SDAD1: variants seen among roughly 807,000 people sequenced by gnomAD.
SDAD1 encodes the protein SDA1 domain containing 1.
SDAD1 carries 79 observed loss-of-function variants against 100.3 expected under a neutral mutation model. The ratio of observed to expected loss-of-function variants is 0.79; its 90% confidence interval spans 0.66 to 0.95. SDAD1 has a LOEUF of 0.95. SDAD1 is among the 40% of genes least tolerant of loss of function. SDAD1 has a pLI of 0.00. For synonymous variants in SDAD1, 267 were observed against 271.4 expected, an observed-to-expected ratio of 0.98 and a Z score of 0.16; for missense variants, 790 against 810.9, an observed-to-expected ratio of 0.97 and a Z score of 0.31.
At chr4:75,971,895 C>T (rs1251026811) in intron 8 of SDAD1, among the ~76,000 whole-genome samples, 1 of 150,728 alleles carries the variant, frequency 6.6e-6, no homozygotes, top group African/African-American at 2.4e-5. Context: ...AATATGCCCA[C>T]ATGTGCACAA....
intron 21 of SDAD1, among the ~76,000 whole-genome samples, chr4:75,955,199 A>T (rs1453208324): frequency 6.6e-6 from 1 of 152,188 alleles, no homozygotes; most frequent in Non-Finnish European, 1.5e-5. Flanking sequence ...TATGTTAAAG[A>T]ATTACTTCAT....
rs550236776 is a variant in SDAD1 at position 75,955,012 on chromosome 4, T to A, written c.2016+963A>T. On this transcript the variant is annotated intron_variant, in intron 21 of 21. Coordinates refer to ENST00000356260, the MANE Select transcript of SDAD1 (RefSeq NM_018115.4). ...CCAGTTGTCTAGCTTCACGTCCTGT[T>A]TCTATTGATTGTTTACAACCAGTTT... Among the ~76,000 whole-genome samples the A allele has an allele frequency of 6.6e-5, 10 of 152,314 alleles. No individual in the cohort carries two copies. In the South Asian group the frequency reaches 2.1e-3, roughly 32 times the overall value.
intron 6 of SDAD1, 144 bp downstream of exon 6, chr4:75,975,600 C>A: frequency 1.8e-6 from 1 of 560,244 alleles, no homozygotes; most frequent in Non-Finnish European, 3.1e-6. Context: ...ATTTGAATTG[C>A]CTCTATTTTT....
rs576913302 is a variant in SDAD1 at position 75,974,970 on chromosome 4, A to G, written c.578+774T>C. Among the ~76,000 whole-genome samples, 6 of 152,096 alleles carry G rather than the reference A, an allele frequency of 3.9e-5. No individual in the cohort carries two copies. In the South Asian group the frequency reaches 1.0e-3, roughly 26 times the overall value. On this transcript the variant is annotated intron_variant, in intron 6 of 21. Transcript: ENST00000356260. ...GGCAGGGGAATCGCTGGAACCCAGG[A>G]GACAGAGGTTGCAGTGAGCCAAGAT...
rs1251063607 is a variant in SDAD1 at position 75,957,688 on chromosome 4, C to A, written c.1599G>T (p.Met533Ile). 1 of 1,614,208 alleles carries A rather than the reference C, an allele frequency of 6.2e-7. No individual in the cohort carries two copies. The highest frequency in any genetic ancestry group is 8.5e-7 in the Non-Finnish European group (1 of 1,180,040). The change falls in exon 19 of 22, where the codon ATG (methionine) becomes ATT (isoleucine). Residue 533 changes from methionine to isoleucine, a missense_variant. Met to Ile is a conservative substitution (Grantham distance 10). Coordinates refer to ENST00000356260, the MANE Select transcript of SDAD1 (RefSeq NM_018115.4). The part of the protein sequence containing the change: ...QQEISKKLNS[M>I]PMEERKAKAA... Reference sequence around the variant, plus strand: ...CTTTGGCCTTCCGCTCCTCCATGGGCATGCTGTTCAGCTTCTTGGACTTGA... The same window carrying A: ...CTTTGGCCTTCCGCTCCTCCATGGGAATGCTGTTCAGCTTCTTGGACTTGA...
intron 21 of SDAD1, among the ~76,000 whole-genome samples, chr4:75,951,153 T>C (rs3796482): frequency 0.23 from 35,483 of 151,982 alleles, 4,828 homozygotes; most frequent in East Asian, 0.5. Flanking sequence ...ATGGAATACA[T>C]TGTCTAAATT....
intron 16 of SDAD1, 53 bp from the exon 17 acceptor site, chr4:75,960,245 T>C (rs1729153927): frequency 4.3e-6 from 6 of 1,406,026 alleles, no homozygotes; most frequent in Non-Finnish European, 5.8e-6. Context: ...AAAACCTTAA[T>C]CATGAAAGGT....
chr4:75,964,103 G>GT (rs772910510), intron 14 of SDAD1, 32 bp downstream of exon 14: 7 of 1,399,298 alleles, frequency 5.0e-6, no homozygotes, highest in Non-Finnish European at 4.1e-6. Flanking sequence ...ATTAAACAAT[G>GT]TATCTTCTGC....
intron 21 of SDAD1, 43 bp from the exon 22 acceptor site, chr4:75,950,840 C>T: frequency 7.3e-7 from 1 of 1,363,318 alleles, no homozygotes; most frequent in Non-Finnish European, 1.0e-6. Context: ...CTCTTGGGTA[C>T]CCTATTATAC....
At chr4:75,970,252 G>A in intron 10 of SDAD1, 57 bp downstream of exon 10, 1 of 1,411,842 alleles carries the variant, frequency 7.1e-7, no homozygotes. Context: ...CCAAAGGCAG[G>A]AAATAAAATA....
At position 75,957,532 on chromosome 4, in the gene SDAD1, ACTGT is replaced by A; in HGVS notation, c.1751_1754del (p.Asp584ValfsTer30). Reference sequence around the variant, plus strand: ...TGCCATTTTACCTGGGCTCTTCATCACTGTCTATTTCAATGTATTTCCTCTTCTG... The same window carrying A: ...TGCCATTTTACCTGGGCTCTTCATCACTATTTCAATGTATTTCCTCTTCTG... On this transcript the variant is annotated frameshift_variant, in exon 19 of 22. Transcript: ENST00000356260. LOFTEE classifies it high-confidence loss of function. 2 of 1,614,134 alleles carry A rather than the reference ACTGT, an allele frequency of 1.2e-6. No homozygotes were observed. The highest frequency in any genetic ancestry group is 2.2e-5 in the South Asian group (2 of 91,078).
intron 14 of SDAD1, among the ~76,000 whole-genome samples, chr4:75,962,230 A>T (rs1386643807): frequency 1.3e-5 from 2 of 152,098 alleles, no homozygotes; most frequent in Admixed American, 1.3e-4. Flanking sequence ...ACATGAACTC[A>T]TCCTTTTTTA....
intron 3 of SDAD1, among the ~76,000 whole-genome samples, chr4:75,977,960 G>A (rs1042079956): frequency 2.0e-5 from 3 of 152,086 alleles, no homozygotes; most frequent in African/African-American, 7.2e-5. Flanking sequence ...CATATAAAAA[G>A]GAGGATCTAA....
intron 1 of SDAD1, 41 bp from the exon 2 acceptor site, chr4:75,982,078 A>G (rs1337201830): frequency 3.1e-6 from 4 of 1,270,964 alleles, no homozygotes; most frequent in South Asian, 2.6e-5. Flanking sequence ...ATTGTATTAC[A>G]TGACTTTCTC....
At chr4:75,959,126 A>AAAAAC (rs869244065) in intron 17 of SDAD1, among the ~76,000 whole-genome samples, 1 of 137,094 alleles carries the variant, frequency 7.3e-6, no homozygotes, top group Non-Finnish European at 1.6e-5. Context: ...AAAAAAAAAA[A>AAAAAC]AACCTAAAAA....
In SDAD1 at chr4:75,978,498, T is replaced by G. The variant is rs1730287059; in HGVS notation, c.295-742A>C. Among the ~76,000 whole-genome samples the G allele has an allele frequency of 1.3e-5, 2 of 152,128 alleles. 1 individual carries two copies. The highest frequency in any genetic ancestry group is 4.2e-4 in the South Asian group (2 of 4,810). ...GATTACAGGCATGAGCTGATGCGCC[T>G]AGCAGCTGTGGCACTCTTGCTTACC... On this transcript the variant is annotated intron_variant, in intron 3 of 21. Coordinates refer to ENST00000356260, the MANE Select transcript of SDAD1 (RefSeq NM_018115.4).
At chr4:75,961,855 T>TA (rs35030597) in intron 14 of SDAD1, among the ~76,000 whole-genome samples, 33,764 of 151,424 alleles carry the variant, frequency 0.22, 4,211 homozygotes, top group East Asian at 0.37. Context: ...TGTCGAAACT[T>TA]AATTGCCACT....
intron 8 of SDAD1, among the ~76,000 whole-genome samples, chr4:75,972,179 C>T (rs1478522522): frequency 6.6e-6 from 1 of 152,036 alleles, no homozygotes; most frequent in East Asian, 1.9e-4. Flanking sequence ...CTCAAGTGAT[C>T]TGCCCGCCTT....
chr4:75,969,278 A>G lies in SDAD1; in HGVS notation c.987+18T>C, dbSNP rs892517978. 6.3e-7 allele frequency: 1 copy of G among 1,580,328 alleles called. No individual in the cohort carries two copies. The highest frequency in any genetic ancestry group is 1.3e-5 in the African/African-American group (1 of 74,216). On this transcript the variant is annotated intron_variant, in intron 11 of 21. Transcript: ENST00000356260. ...CTACTTCAAATATTCACCAAGAGAA[A>G]CATAATATAATTCAAACCTCATGAA... is the stretch of plus-strand genomic sequence containing the variant.
Sources: allele counts gnomAD v4.1 joint callset (sites outside exome capture counted in the v4.1 genomes callset), GRCh38; gene constraint gnomAD v4.1.1; transcripts MANE v1.5; gene names NCBI Gene and HGNC (gene_info 2026-07-23, HGNC 2026-07-21).